TAFA2: variants seen among roughly 807,000 people sequenced by gnomAD.
TAFA2 encodes chemokine-like protein TAFA-2.
A neutral mutation model predicts 18.8 loss-of-function variants in TAFA2; 7 were observed. The ratio of observed to expected loss-of-function variants is 0.37; its 90% confidence interval spans 0.21 to 0.70. The LOEUF (loss-of-function observed/expected upper bound fraction) is 0.70, where lower values mean the gene tolerates loss of function less well. Among genes scored for constraint, TAFA2 ranks in the 30% least tolerant of loss-of-function variants. The pLI is 0.53. For synonymous variants in TAFA2, 60 were observed against 54.2 expected, an observed-to-expected ratio of 1.11 and a Z score of -0.47; for missense variants, 122 against 158.1, an observed-to-expected ratio of 0.77 and a Z score of 1.23.
intron 4 of TAFA2, among the ~76,000 whole-genome samples, chr12:61,728,653 A>G (rs202220806): frequency 7.5e-6 from 1 of 134,156 alleles, no homozygotes; most frequent in Non-Finnish European, 1.7e-5. Context: ...AAGACAGCAG[A>G]TACTTGGTTG....
At chr12:62,160,019 CA>C (rs35412304) in intron 1 of TAFA2, among the ~76,000 whole-genome samples, 18,713 of 152,220 alleles carry the variant, frequency 0.12, 1,547 homozygotes, top group East Asian at 0.34. Flanking sequence ...TACCCATACT[CA>C]AGTCATTCAG....
intron 2 of TAFA2, among the ~76,000 whole-genome samples, chr12:61,842,133 C>CTAGATCATGA (rs1212164815): frequency 6.6e-6 from 1 of 151,694 alleles, no homozygotes; most frequent in East Asian, 1.9e-4. Flanking sequence ...AAAACAGCCA[C>CTAGATCATGA]GTTTAACACT....
At chr12:61,774,070 T>C (rs976706218) in intron 2 of TAFA2, among the ~76,000 whole-genome samples, 1 of 151,776 alleles carries the variant, frequency 6.6e-6, no homozygotes, top group Non-Finnish European at 1.5e-5. Flanking sequence ...AAACAAGATA[T>C]ACAAATGACC....
At chr12:62,127,657 CA>C (rs995022014) in intron 1 of TAFA2, among the ~76,000 whole-genome samples, 22 of 151,934 alleles carry the variant, frequency 1.4e-4, no homozygotes, top group African/African-American at 5.3e-4. Flanking sequence ...GTCTTAAACA[CA>C]AGGGCTTGAG....
chr12:62,147,189 G>T (rs2062287326), intron 1 of TAFA2, among the ~76,000 whole-genome samples: 1 of 149,292 alleles, frequency 6.7e-6, no homozygotes, highest in African/African-American at 2.5e-5. Flanking sequence ...AAGGTTAAAG[G>T]TAAGTCCTCA....
At chr12:61,899,377 G>A (rs1306014945) in intron 1 of TAFA2, among the ~76,000 whole-genome samples, 2 of 152,198 alleles carry the variant, frequency 1.3e-5, no homozygotes, top group East Asian at 3.9e-4. Flanking sequence ...CCTGAGACTG[G>A]GTAATTTATA....
At chr12:62,153,977 T>C (rs1359533329) in intron 1 of TAFA2, among the ~76,000 whole-genome samples, 1 of 151,418 alleles carries the variant, frequency 6.6e-6, no homozygotes, top group Non-Finnish European at 1.5e-5. Flanking sequence ...TTATGTTATG[T>C]TATGTTGTTT....
At chr12:62,170,748 A>G (rs887472180) in intron 1 of TAFA2, among the ~76,000 whole-genome samples, 2 of 152,036 alleles carry the variant, frequency 1.3e-5, no homozygotes, top group Non-Finnish European at 2.9e-5. Context: ...CATTAAGTAA[A>G]TTCTCATCCC....
intron 1 of TAFA2, among the ~76,000 whole-genome samples, chr12:62,144,358 C>T (rs898573801): frequency 1.3e-5 from 2 of 152,122 alleles, no homozygotes; most frequent in Admixed American, 6.5e-5. Flanking sequence ...GCAGTCATGA[C>T]TGGATATCGT....
intron 4 of TAFA2, among the ~76,000 whole-genome samples, chr12:61,720,290 G>T (rs1418108901): frequency 6.6e-6 from 1 of 152,118 alleles, no homozygotes; most frequent in South Asian, 2.1e-4. Context: ...AAGTCTGATG[G>T]CTCAGTACTT....
intron 2 of TAFA2, among the ~76,000 whole-genome samples, chr12:61,764,889 C>T (rs796460012): frequency 7.2e-5 from 11 of 151,984 alleles, no homozygotes; most frequent in South Asian, 4.2e-4. Flanking sequence ...AAAGTCAATC[C>T]GCACCCACAC....
chr12:62,209,772 CA>C (rs1456109286), intron 1 of TAFA2, among the ~76,000 whole-genome samples: 2 of 152,188 alleles, frequency 1.3e-5, no homozygotes, highest in Admixed American at 1.3e-4. Context: ...ATTTTTTAAC[CA>C]AAAGTGGGAA....
upstream of TAFA2, among the ~76,000 whole-genome samples, chr12:62,196,793 C>G (rs2062650767): frequency 1.3e-5 from 2 of 152,108 alleles, no homozygotes; most frequent in African/African-American, 4.8e-5. Context: ...GAAGTGAGCA[C>G]ATGCTGCTGA....
chr12:62,136,029 A>G (rs1870883224), intron 1 of TAFA2: 1 of 152,146 alleles, frequency 6.6e-6, no homozygotes. Flanking sequence ...TATTTGACTC[A>G]TCACTGCTTA....
chr12:61,982,442 A>C (rs1250360829), intron 1 of TAFA2, among the ~76,000 whole-genome samples: 1 of 152,170 alleles, frequency 6.6e-6, no homozygotes, highest in Non-Finnish European at 1.5e-5. Flanking sequence ...GTATAATTAA[A>C]AAAAAGAAAA....
At chr12:61,772,240 T>C (rs1168583400) in intron 2 of TAFA2, among the ~76,000 whole-genome samples, 7 of 151,744 alleles carry the variant, frequency 4.6e-5, no homozygotes. Context: ...TAATAAAAAA[T>C]TGCCAAGAAA....
intron 1 of TAFA2, among the ~76,000 whole-genome samples, chr12:62,132,377 G>C (rs1373276086): frequency 6.6e-6 from 1 of 151,664 alleles, no homozygotes; most frequent in Non-Finnish European, 1.5e-5. Flanking sequence ...GTGGCTTACA[G>C]TAACCAGGCA....
chr12:61,811,135 A>G (rs571256103), intron 2 of TAFA2, among the ~76,000 whole-genome samples: 1 of 151,534 alleles, frequency 6.6e-6, no homozygotes, highest in South Asian at 2.1e-4. Context: ...TTAAACGGCA[A>G]TGTCCACAGA....
At chr12:62,123,781 T>TACACACAC (rs71083977) in intron 1 of TAFA2, among the ~76,000 whole-genome samples, 12,590 of 132,606 alleles carry the variant, frequency 0.095, 815 homozygotes, top group African/African-American at 0.16. Flanking sequence ...ACCACACACA[T>TACACACAC]ACACACACAC....
Sources: allele counts gnomAD v4.1 joint callset (sites outside exome capture counted in the v4.1 genomes callset), GRCh38; gene constraint gnomAD v4.1.1; transcripts MANE v1.5; gene names NCBI Gene and HGNC (gene_info 2026-07-23, HGNC 2026-07-21).